SNX29: variants seen among roughly 807,000 people sequenced by gnomAD.
The protein encoded by SNX29 is sorting nexin 29.
Under a neutral mutation model 102.1 loss-of-function variants are expected in SNX29, and 78 were observed. That is an observed-to-expected ratio of 0.76 (90% CI 0.64 to 0.92). The LOEUF (loss-of-function observed/expected upper bound fraction) is 0.92. Ranked by LOEUF, SNX29 falls within the 40% of genes least tolerant of loss-of-function variation. The pLI is 0.00. For missense variants in SNX29, 1,280 were observed against 1,061.7 expected, an observed-to-expected ratio of 1.21 and a Z score of -2.86; for synonymous variants, 580 against 414.5, an observed-to-expected ratio of 1.40 and a Z score of -4.85.
At position 12,568,491 on chromosome 16, in the gene SNX29, T is replaced by C. The variant is rs751687667; in HGVS notation, c.2319-15T>C. 12 of 1,608,906 alleles carry C rather than the reference T, an allele frequency of 7.5e-6. No individual in the cohort carries two copies. The highest frequency in any genetic ancestry group is 2.2e-5 in the East Asian group (1 of 44,854). The stretch of plus-strand genomic sequence containing the variant: ...CATCCCCAGACTTAACCCGATTCTC[T>C]CCCTGCTCTTTCAGCGACATCACCC... On this transcript the variant is annotated splice_polypyrimidine_tract_variant and intron_variant, in intron 20 of 20. Transcript: ENST00000566228.
chr16:12,552,480 G>A (rs929683602), intron 20 of SNX29, among the ~76,000 whole-genome samples: 2 of 152,186 alleles, frequency 1.3e-5, no homozygotes, highest in Non-Finnish European at 2.9e-5. Flanking sequence ...CCCAACGATT[G>A]GGCCTCAGGA....
At chr16:12,077,284 A>G (rs2051624009) in intron 10 of SNX29, among the ~76,000 whole-genome samples, 1 of 152,076 alleles carries the variant, frequency 6.6e-6, no homozygotes, top group Admixed American at 6.6e-5. Context: ...GTCTTAAAAA[A>G]AAAAAAATTG....
chr16:12,392,349 CTT>C (rs371444106), intron 16 of SNX29, among the ~76,000 whole-genome samples: 4 of 152,174 alleles, frequency 2.6e-5, no homozygotes, highest in South Asian at 2.1e-4. Context: ...GTCCATCACT[CTT>C]TATTTCTTGG....
At position 11,976,833 on chromosome 16, in the gene SNX29, C is replaced by T; in HGVS notation, c.7+20C>T. On this transcript the variant is annotated intron_variant, in intron 1 of 20. Coordinates refer to ENST00000566228, the MANE Select transcript of SNX29 (RefSeq NM_032167.5). ...TGAGCGGTGAGTGGCGGCCCCGCCG[C>T]TGTCACCTGCCCCGGCCGCCCCGGC... 6.6e-6 allele frequency: 9 copies of T among 1,371,618 alleles called. No individual in the cohort carries two copies. The highest frequency in any genetic ancestry group is 8.5e-6 in the Non-Finnish European group (9 of 1,061,914). 85.0% of individuals were successfully genotyped at this position (1,371,618 alleles called of 1,614,324 possible).
chr16:12,025,461 C>G (rs898746120), intron 3 of SNX29, among the ~76,000 whole-genome samples: 1 of 151,990 alleles, frequency 6.6e-6, no homozygotes, highest in African/African-American at 2.4e-5. Context: ...ATTTACCTAC[C>G]CACTGGAAAA....
At chr16:12,556,758 C>A (rs1598012565) in intron 20 of SNX29, among the ~76,000 whole-genome samples, 1 of 152,180 alleles carries the variant, frequency 6.6e-6, no homozygotes, top group Admixed American at 6.5e-5. Context: ...TTAAGGCACC[C>A]CCAGAGTTCT....
intron 14 of SNX29, among the ~76,000 whole-genome samples, chr16:12,239,760 C>A (rs1183315738): frequency 6.6e-6 from 1 of 151,696 alleles, no homozygotes; most frequent in African/African-American, 2.4e-5. Flanking sequence ...ATCAGGGCTA[C>A]CGTGAGCTGG....
At chr16:12,290,617 C>G (rs1356381347) in intron 15 of SNX29, among the ~76,000 whole-genome samples, 1 of 152,184 alleles carries the variant, frequency 6.6e-6, no homozygotes, top group Non-Finnish European at 1.5e-5. Context: ...AAACTTGGCT[C>G]AAGCTGTCTG....
At chr16:12,071,946 G>A (rs1041179839) in intron 10 of SNX29, among the ~76,000 whole-genome samples, 1 of 152,300 alleles carries the variant, frequency 6.6e-6, no homozygotes, top group Non-Finnish European at 1.5e-5. Context: ...GTGAATGGGA[G>A]TTCACTCATG....
At chr16:12,567,872 C>G (rs1050552638) in intron 20 of SNX29, among the ~76,000 whole-genome samples, 1 of 152,154 alleles carries the variant, frequency 6.6e-6, no homozygotes, top group Non-Finnish European at 1.5e-5. Flanking sequence ...AAAAAATGTG[C>G]CGAGGGCCTC....
intron 19 of SNX29, among the ~76,000 whole-genome samples, chr16:12,507,701 T>G (rs1409843278): frequency 6.6e-6 from 1 of 152,200 alleles, no homozygotes; most frequent in Non-Finnish European, 1.5e-5. Flanking sequence ...ACTTTCCTTC[T>G]TATGAGAAAA....
At chr16:12,258,796 C>A (rs2078649308) in intron 14 of SNX29, among the ~76,000 whole-genome samples, 1 of 152,112 alleles carries the variant, frequency 6.6e-6, no homozygotes, top group African/African-American at 2.4e-5. Context: ...CAGACGTCTC[C>A]TCTGTTAAAG....
intron 14 of SNX29, among the ~76,000 whole-genome samples, chr16:12,235,488 A>C (rs894621214): frequency 2.0e-5 from 3 of 151,876 alleles, no homozygotes; most frequent in Non-Finnish European, 4.4e-5. Flanking sequence ...TTTGTGCACT[A>C]CTGCTTGAGT....
At chr16:12,403,734 G>C (rs555820638) in intron 18 of SNX29, among the ~76,000 whole-genome samples, 1 of 152,152 alleles carries the variant, frequency 6.6e-6, no homozygotes, top group Non-Finnish European at 1.5e-5. Flanking sequence ...GGGCCTCTTC[G>C]TGCCAGTCAG....
intron 20 of SNX29, among the ~76,000 whole-genome samples, chr16:12,538,982 A>AAGAT (rs1465629767): frequency 2.0e-5 from 3 of 152,168 alleles, no homozygotes; most frequent in Non-Finnish European, 4.4e-5. Context: ...AAATAGGGAG[A>AAGAT]AGATAGAACA....
chr16:12,172,776 C>G (rs1252579878), intron 13 of SNX29, among the ~76,000 whole-genome samples: 1 of 152,226 alleles, frequency 6.6e-6, no homozygotes, highest in Non-Finnish European at 1.5e-5. Context: ...GGGACATGGG[C>G]ACTGAGATTC....
At chr16:12,403,413 T>C (rs755269027) in intron 17 of SNX29, 35 bp from the exon 18 acceptor site, 9 of 1,557,044 alleles carry the variant, frequency 5.8e-6, no homozygotes, top group South Asian at 1.2e-5. Context: ...AGTTAAAATG[T>C]CTAATGTTGG....
rs150150135 is a variant in SNX29 at position 12,084,209 on chromosome 16, G to A, written c.1402+5294G>A. Among the ~76,000 whole-genome samples, 1,208 of 151,206 alleles carry A rather than the reference G, an allele frequency of 8.0e-3. 19 individuals are homozygous for A. Among genetic ancestry groups the A allele is most frequent in the African/African-American group, 0.028 (1,149 of 41,156 alleles). On this transcript the variant is annotated intron_variant, in intron 11 of 20. Coordinates refer to ENST00000566228, the MANE Select transcript of SNX29 (RefSeq NM_032167.5). ...CGCCCAGGCTGGAGTGCAGTGGCAC[G>A]ATCTCGGGTCACTGAAACCTCCGCC...
At chr16:12,254,930 C>T (rs1401818126) in intron 14 of SNX29, among the ~76,000 whole-genome samples, 1 of 152,098 alleles carries the variant, frequency 6.6e-6, no homozygotes, top group Non-Finnish European at 1.5e-5. Context: ...ACAGCTCTTT[C>T]CAGGAGGTTG....
Sources: allele counts gnomAD v4.1 joint callset (sites outside exome capture counted in the v4.1 genomes callset), GRCh38; gene constraint gnomAD v4.1.1; transcripts MANE v1.5; gene names NCBI Gene and HGNC (gene_info 2026-07-23, HGNC 2026-07-21).